Variants in DCDC2 observed in about 807,000 individuals in gnomAD.
The protein encoded by DCDC2 is doublecortin domain-containing protein 2.
In DCDC2, 40 loss-of-function variants were observed where a neutral mutation model predicts 50.2. The ratio of observed to expected loss-of-function variants is 0.80; its 90% confidence interval spans 0.62 to 1.04. The LOEUF (loss-of-function observed/expected upper bound fraction) is 1.04, where lower values mean the gene tolerates loss of function less well. Ranked by LOEUF, DCDC2 falls within the 50% of genes least tolerant of loss-of-function variation. The probability of loss-of-function intolerance (pLI) is 0.00; values close to 1 mark genes in which losing one functional copy is unlikely to be tolerated. For synonymous variants in DCDC2, 234 were observed against 210.6 expected, an observed-to-expected ratio of 1.11 and a Z score of -0.96; for missense variants, 570 against 581.9, an observed-to-expected ratio of 0.98 and a Z score of 0.21.
intron 7 of DCDC2, among the ~76,000 whole-genome samples, chr6:24,251,252 G>A (rs565859827): frequency 2.2e-4 from 34 of 152,244 alleles, no homozygotes; most frequent in African/African-American, 7.5e-4. Flanking sequence ...TTCAAAACAG[G>A]AGGATACATG....
At chr6:24,382,189 G>A in the DCDC2 span, among the ~76,000 whole-genome samples, 1 of 152,062 alleles carries the variant, frequency 6.6e-6, no homozygotes, top group African/African-American at 2.4e-5. Context: ...CTCAATGGGA[G>A]CAAGACCCTC....
chr6:24,176,436 A>T (rs1483313437), intron 9 of DCDC2, among the ~76,000 whole-genome samples: 1 of 152,096 alleles, frequency 6.6e-6, no homozygotes, highest in Non-Finnish European at 1.5e-5. Flanking sequence ...CTTGATCTTG[A>T]CGGATGCCCA....
intron 7 of DCDC2, among the ~76,000 whole-genome samples, chr6:24,262,396 T>G (rs1763031244): frequency 6.6e-6 from 1 of 152,164 alleles, no homozygotes. Flanking sequence ...TAAATAAACT[T>G]GATAAACTTA....
At chr6:24,183,471 G>T (rs1396361621) in intron 8 of DCDC2, among the ~76,000 whole-genome samples, 2 of 152,144 alleles carry the variant, frequency 1.3e-5, no homozygotes, top group Admixed American at 1.3e-4. Flanking sequence ...GCAGAGAGGG[G>T]ACTTCCAAGG....
intron 7 of DCDC2, among the ~76,000 whole-genome samples, chr6:24,225,702 T>TCACTCA (rs1762218923): frequency 6.6e-6 from 1 of 151,788 alleles, no homozygotes. Flanking sequence ...TAGAAAGTTT[T>TCACTCA]CACACACACA....
chr6:24,359,357 G>GTATATTATATATTATATATATTTTA (rs1234245921), upstream of DCDC2, among the ~76,000 whole-genome samples: 1 of 25,400 alleles, frequency 3.9e-5, no homozygotes, highest in Non-Finnish European at 6.9e-5. Flanking sequence ...TATATTTTAT[G>GTATATTATATATTATATATATTTTA]TATATTATAT....
At chr6:24,305,866 T>C (rs1759461952) in intron 2 of DCDC2, among the ~76,000 whole-genome samples, 3 of 151,954 alleles carry the variant, frequency 2.0e-5, no homozygotes, top group Admixed American at 6.6e-5. Flanking sequence ...CCATCTCTAC[T>C]AAAAATACAA....
At chr6:24,246,298 G>C (rs542720686) in intron 7 of DCDC2, among the ~76,000 whole-genome samples, 1 of 152,004 alleles carries the variant, frequency 6.6e-6, no homozygotes, top group South Asian at 2.1e-4. Flanking sequence ...CTCTTCAAGG[G>C]TTATTTTTAT....
At chr6:24,175,933 C>A (rs1198022931) in intron 9 of DCDC2, among the ~76,000 whole-genome samples, 1 of 152,054 alleles carries the variant, frequency 6.6e-6, no homozygotes, top group Non-Finnish European at 1.5e-5. Flanking sequence ...TAAAATATAT[C>A]ATTGTTATAA....
At chr6:24,203,863 T>C (rs993033493) in intron 8 of DCDC2, among the ~76,000 whole-genome samples, 13 of 152,308 alleles carry the variant, frequency 8.5e-5, no homozygotes, top group African/African-American at 2.4e-4. Context: ...AAGACACTTA[T>C]GCAGCCAACA....
chr6:24,265,177 G>A (rs928196605), intron 7 of DCDC2, among the ~76,000 whole-genome samples: 1 of 152,084 alleles, frequency 6.6e-6, no homozygotes, highest in African/African-American at 2.4e-5. Flanking sequence ...GGGAGACAGA[G>A]AAGGTCATTA....
chr6:24,288,077 G>T (rs1320175026), intron 6 of DCDC2, among the ~76,000 whole-genome samples: 1 of 152,172 alleles, frequency 6.6e-6, no homozygotes, highest in Non-Finnish European at 1.5e-5. Flanking sequence ...ATCATTAGGA[G>T]ACAATATCAT....
the DCDC2 span, among the ~76,000 whole-genome samples, chr6:24,373,855 G>A: frequency 6.6e-6 from 1 of 152,092 alleles, no homozygotes. Context: ...GAAAGTGGGA[G>A]GGAGGAAAAA....
At chr6:24,358,954 T>C (rs111218737), upstream of DCDC2, among the ~76,000 whole-genome samples, 32 of 26,028 alleles carry the variant, frequency 1.2e-3, 1 homozygote, top group South Asian at 0.022. Context: ...TTATATATTA[T>C]ATATTATATA....
chr6:24,253,790 C>CA (rs1303433392), intron 7 of DCDC2, among the ~76,000 whole-genome samples: 21 of 152,106 alleles, frequency 1.4e-4, no homozygotes, highest in African/African-American at 4.8e-4. Flanking sequence ...GTCAGTGAGT[C>CA]AGTGGTGAGT....
At chr6:24,281,584 T>C (rs199499665) in intron 6 of DCDC2, among the ~76,000 whole-genome samples, 5 of 43,334 alleles carry the variant, frequency 1.2e-4, no homozygotes, top group Non-Finnish European at 6.2e-4. Context: ...ATACACTATA[T>C]ATATAAATTA....
At position 24,174,772 on chromosome 6, in the gene DCDC2, A is replaced by G; in HGVS notation, c.1389T>C (p.Asn463=). 6.2e-7 allele frequency: 1 copy of G among 1,613,180 alleles called. No homozygotes were observed. Among genetic ancestry groups the G allele is most frequent in the Non-Finnish European group, 8.5e-7 (1 of 1,179,592 alleles). The change falls in exon 10 of 10, where the codon AAT becomes AAC. Residue 463 remains asparagine, a synonymous_variant. Coordinates refer to ENST00000378454, the MANE Select transcript of DCDC2 (RefSeq NM_016356.5). ...PEVKITSPEE[N]ENNQQNKDYA... ...AGTCCTTGTTTTGTTGGTTGTTTTC[A>G]TTTTCTTCTGGACTGGTAATTTTTA...
chr6:24,210,686 A>G (rs910167415), intron 7 of DCDC2, among the ~76,000 whole-genome samples: 1 of 152,170 alleles, frequency 6.6e-6, no homozygotes, highest in Non-Finnish European at 1.5e-5. Context: ...GCTAGCTCAT[A>G]ATCATCCTCC....
At chr6:24,257,385 C>A (rs937946942) in intron 7 of DCDC2, among the ~76,000 whole-genome samples, 6 of 152,042 alleles carry the variant, frequency 3.9e-5, no homozygotes, top group African/African-American at 1.5e-4. Flanking sequence ...AAGCAGGAGT[C>A]CTGGCTCTCA....
Sources: gnomAD v4.1 joint callset for allele counts (sites outside exome capture counted in the v4.1 genomes callset) on GRCh38, gnomAD v4.1.1 for gene constraint, MANE v1.5 for transcripts, NCBI Gene and HGNC (gene_info 2026-07-23, HGNC 2026-07-21) for gene names.